The following DACH2 variants were observed in gnomAD, a reference collection of about 807,000 sequenced individuals.
DACH2 encodes the protein dachshund family transcription factor 2.
DACH2 carries 17 observed loss-of-function variants against 35.8 expected under a neutral mutation model. That is an observed-to-expected ratio of 0.48 (90% confidence interval 0.33 to 0.71). DACH2 has a LOEUF of 0.71. DACH2 is among the 30% of genes least tolerant of loss of function. The probability of loss-of-function intolerance (pLI) is 0.02; values close to 1 mark genes in which losing one functional copy is unlikely to be tolerated. For missense variants in DACH2, 469 were observed against 472.7 expected (o/e 0.99, Z 0.07); for synonymous variants, 195 against 177.3 (o/e 1.10, Z -0.79).
At chrX:86,498,513 C>T (rs2038204774) in intron 2 of DACH2, among the ~76,000 whole-genome samples, 1 of 112,178 alleles carries the variant, frequency 8.9e-6, no homozygotes, top group African/African-American at 3.2e-5. Context: ...TTTGGAAAGG[C>T]ATTCTGTTTC....
At chrX:86,832,001 T>G (rs749672494) in intron 11 of DACH2, 105 bp from the exon 12 acceptor site, 1 of 505,238 alleles carries the variant, frequency 2.0e-6, no homozygotes, top group Non-Finnish European at 3.3e-6. Flanking sequence ...ATTGAGCCTG[T>G]TACATCAGAT....
At chrX:86,294,737 G>A (rs1325032019) in intron 1 of DACH2, among the ~76,000 whole-genome samples, 13 of 109,013 alleles carry the variant, frequency 1.2e-4, no homozygotes, top group African/African-American at 3.4e-4. Context: ...CTGCTCAGGG[G>A]TCAGGGGTCA....
intron 1 of DACH2, among the ~76,000 whole-genome samples, chrX:86,250,712 C>A (rs2033381960): frequency 9.0e-6 from 1 of 111,034 alleles, no homozygotes; most frequent in African/African-American, 3.3e-5. Flanking sequence ...TATATCATTT[C>A]AAATAACATT....
intron 7 of DACH2, among the ~76,000 whole-genome samples, chrX:86,776,408 C>T (rs780994549): frequency 1.3e-4 from 15 of 111,524 alleles, no homozygotes; most frequent in African/African-American, 3.6e-4. Context: ...TTGGAGATTA[C>T]GGCTTCAACA....
intron 6 of DACH2, among the ~76,000 whole-genome samples, chrX:86,721,749 T>C (rs1179326216): frequency 9.0e-6 from 1 of 111,680 alleles, no homozygotes; most frequent in Non-Finnish European, 1.9e-5. Context: ...GAGTAATTTA[T>C]AAAGAAAAGA....
intron 2 of DACH2, among the ~76,000 whole-genome samples, chrX:86,421,325 T>C (rs1195690891): frequency 9.0e-6 from 1 of 111,563 alleles, no homozygotes; most frequent in African/African-American, 3.2e-5. Context: ...TCTCATTTGA[T>C]TTTTAAAGCA....
At chrX:86,298,928 T>C (rs1432674287) in intron 1 of DACH2, among the ~76,000 whole-genome samples, 1 of 112,200 alleles carries the variant, frequency 8.9e-6, no homozygotes, top group Non-Finnish European at 1.9e-5. Flanking sequence ...TTGTTGTGAC[T>C]GTGAAACTGT....
chrX:86,721,193 G>A (rs2041402719), intron 6 of DACH2, among the ~76,000 whole-genome samples: 1 of 112,266 alleles, frequency 8.9e-6, no homozygotes, highest in Non-Finnish European at 1.9e-5. Context: ...TTAGCATTTG[G>A]CTTCTCATTA....
At chrX:86,286,080 A>G (rs2034138722) in intron 1 of DACH2, among the ~76,000 whole-genome samples, 1 of 107,103 alleles carries the variant, frequency 9.3e-6, no homozygotes, top group African/African-American at 3.4e-5. Flanking sequence ...GCAACAAATC[A>G]ATGGTTCTTG....
chrX:86,599,466 TTTTCTTTCTTTCTTTCTTTCTTTC>T (rs534501331), intron 3 of DACH2, among the ~76,000 whole-genome samples: 1 of 62,780 alleles, frequency 1.6e-5, no homozygotes, highest in African/African-American at 6.8e-5. Context: ...TCCTTCCTTC[TTTTCTTTCTTTCTTTCTTTCTTTC>T]TTTCTTTCTT....
chrX:86,568,766 T>C (rs974190942), intron 3 of DACH2, among the ~76,000 whole-genome samples: 5 of 111,638 alleles, frequency 4.5e-5, no homozygotes, highest in Non-Finnish European at 7.6e-5. Context: ...TAGACACTAC[T>C]CCTTAATAAA....
intron 3 of DACH2, among the ~76,000 whole-genome samples, chrX:86,518,697 G>T (rs900638193): frequency 2.7e-5 from 3 of 111,663 alleles, no homozygotes; most frequent in African/African-American, 9.8e-5. Flanking sequence ...CTCTCAGTTT[G>T]GCTGTTATTG....
intron 4 of DACH2, among the ~76,000 whole-genome samples, chrX:86,671,634 C>T: frequency 9.0e-6 from 1 of 111,462 alleles, no homozygotes; most frequent in Non-Finnish European, 1.9e-5. Context: ...CCTGAGACCT[C>T]CACACCCAGA....
chrX:86,730,305 A>T (rs2041518605), intron 6 of DACH2, among the ~76,000 whole-genome samples: 1 of 112,212 alleles, frequency 8.9e-6, no homozygotes, highest in African/African-American at 3.2e-5. Flanking sequence ...AGGTCCTAGG[A>T]GCAACTTTTA....
At chrX:86,339,092 A>G (rs2035369622) in intron 1 of DACH2, among the ~76,000 whole-genome samples, 1 of 111,781 alleles carries the variant, frequency 8.9e-6, no homozygotes, top group Non-Finnish European at 1.9e-5. Context: ...CCAACCAAAA[A>G]CAGTCCAGGA....
chrX:86,735,145 T>G (rs1164156716), intron 6 of DACH2, among the ~76,000 whole-genome samples: 1 of 111,848 alleles, frequency 8.9e-6, no homozygotes, highest in Non-Finnish European at 1.9e-5. Flanking sequence ...GAGACAGTTG[T>G]TTTTAAAAGG....
At chrX:86,291,330 A>G (rs2034287605) in intron 1 of DACH2, among the ~76,000 whole-genome samples, 1 of 92,168 alleles carries the variant, frequency 1.1e-5, no homozygotes, top group Non-Finnish European at 2.1e-5. Flanking sequence ...TTGGGCTGAG[A>G]CAATGGGGTT....
chrX:86,193,702 T>C (rs2031894703), intron 1 of DACH2, among the ~76,000 whole-genome samples: 1 of 110,760 alleles, frequency 9.0e-6, no homozygotes, highest in African/African-American at 3.3e-5. Flanking sequence ...AGAAGTAAAC[T>C]AAACTTCACC....
chrX:86,425,759 T>C (rs1215148845), intron 2 of DACH2, among the ~76,000 whole-genome samples: 2 of 111,010 alleles, frequency 1.8e-5, no homozygotes, highest in Non-Finnish European at 3.8e-5. Flanking sequence ...AGTGAAGACC[T>C]ATGAAGCACA....
Sources: gnomAD v4.1 joint callset for allele counts (sites outside exome capture counted in the v4.1 genomes callset) on GRCh38, gnomAD v4.1.1 for gene constraint, MANE v1.5 for transcripts, NCBI Gene and HGNC (gene_info 2026-07-23, HGNC 2026-07-21) for gene names.